Variants in DPP10 observed in about 807,000 individuals in gnomAD.
DPP10 encodes the protein inactive dipeptidyl peptidase 10.
Under a neutral mutation model 120.9 loss-of-function variants are expected in DPP10, and 33 were observed. That is an observed-to-expected ratio of 0.27 (90% CI 0.21 to 0.37). The LOEUF (loss-of-function observed/expected upper bound fraction) is 0.37. Ranked by LOEUF, DPP10 falls within the 10% of genes least tolerant of loss-of-function variation. The pLI, the probability that DPP10 is intolerant of heterozygous loss-of-function variation, is 1.00. For missense variants in DPP10, 816 were observed against 942.8 expected (o/e 0.87, Z 1.76); for synonymous variants, 337 against 326.1 (o/e 1.03, Z -0.36).
chr2:114,539,362 T>C (rs1316711335), intron 1 of DPP10, among the ~76,000 whole-genome samples: 1 of 152,054 alleles, frequency 6.6e-6, no homozygotes, highest in African/African-American at 2.4e-5. Context: ...TTCACAGCTC[T>C]GATGGAAGTT....
At chr2:115,268,509 A>G (rs751827079) in intron 1 of DPP10, among the ~76,000 whole-genome samples, 9 of 152,204 alleles carry the variant, frequency 5.9e-5, no homozygotes, top group Non-Finnish European at 1.0e-4. Context: ...TTATTTAAGT[A>G]AGTGTACTAT....
chr2:115,173,349 AAC>A (rs1368467249), intron 1 of DPP10, among the ~76,000 whole-genome samples: 1 of 152,170 alleles, frequency 6.6e-6, no homozygotes, highest in Non-Finnish European at 1.5e-5. Flanking sequence ...AGTTAAGGAA[AAC>A]ACAGGACAAA....
At chr2:114,897,569 A>C (rs544158401) in intron 1 of DPP10, among the ~76,000 whole-genome samples, 5,718 of 151,874 alleles carry the variant, frequency 0.038, 189 homozygotes, top group African/African-American at 0.085. Flanking sequence ...CAACCTACAA[A>C]ATGGGAGAAA....
intron 1 of DPP10, among the ~76,000 whole-genome samples, chr2:115,021,228 A>G (rs908307421): frequency 3.3e-5 from 5 of 152,088 alleles, no homozygotes; most frequent in Non-Finnish European, 7.4e-5. Flanking sequence ...ATGAAACAAA[A>G]TCTCGTTCTT....
chr2:115,270,066 TCACACACA>T (rs57649162), intron 1 of DPP10, among the ~76,000 whole-genome samples: 9,747 of 130,650 alleles, frequency 0.075, 439 homozygotes, highest in South Asian at 0.15. Flanking sequence ...TAGGTATACT[TCACACACA>T]CACACACACA....
At position 114,477,946 on chromosome 2, in the gene DPP10, TAC is replaced by T. The variant is rs1425619051; in HGVS notation, c.60+35110_60+35111del. On this transcript the variant is annotated intron_variant, in intron 1 of 25. Transcript: ENST00000410059. ...ATATATGTACATATGTGTATATATGTACATATATGTGTGTATATGTATATATG... is the reference window on the plus strand; with the variant it reads ...ATATATGTACATATGTGTATATATGTATATATGTGTGTATATGTATATATG... Among the ~76,000 whole-genome samples the T allele has an allele frequency of 1.4e-4, 21 of 151,178 alleles. No homozygotes were observed. The East Asian group carries it at 2.7e-3, about 20-fold the overall frequency.
intron 1 of DPP10, among the ~76,000 whole-genome samples, chr2:114,758,736 A>T (rs1558711296): frequency 6.6e-6 from 1 of 152,226 alleles, no homozygotes. Context: ...GAATTATTTT[A>T]CAGCAAAACT....
intron 24 of DPP10, 140 bp from the exon 25 acceptor site, chr2:115,840,610 C>T: frequency 1.3e-6 from 1 of 798,184 alleles, no homozygotes; most frequent in Non-Finnish European, 1.9e-6. Context: ...AGGCGTGAGC[C>T]ACCGTGCCCA....
chr2:114,663,271 T>TATATATATATATACAC (rs375462897), intron 1 of DPP10, among the ~76,000 whole-genome samples: 15 of 147,348 alleles, frequency 1.0e-4, no homozygotes, highest in African/African-American at 2.4e-4. Context: ...TATATATATA[T>TATATATATATATACAC]ACACACACAT....
rs1553500205 is a variant in DPP10, at chr2:115,755,944, G to GTGTA, written c.1074+2648_1074+2649insGTAT. ...GCTTTTTTAAAAAGTGTGTGTGTGT[G>GTGTA]TATATATATACATAAAACATTCCAT... On this transcript the variant is annotated intron_variant, in intron 11 of 25. Transcript: ENST00000410059. Among the ~76,000 whole-genome samples, 37 of 150,790 alleles carry GTGTA rather than the reference G, an allele frequency of 2.5e-4. No homozygotes were observed. In the East Asian group the frequency reaches 3.6e-3, roughly 14 times the overall value.
intron 1 of DPP10, among the ~76,000 whole-genome samples, chr2:114,559,271 C>G (rs1006890154): frequency 6.6e-6 from 1 of 152,012 alleles, no homozygotes; most frequent in African/African-American, 2.4e-5. Context: ...CACAAGAGTC[C>G]CCGCATGAGG....
intron 1 of DPP10, among the ~76,000 whole-genome samples, chr2:115,206,208 C>G (rs540591717): frequency 6.6e-6 from 1 of 152,024 alleles, no homozygotes; most frequent in Non-Finnish European, 1.5e-5. Flanking sequence ...ATGGTGTTTC[C>G]CTCGTCAGGT....
intron 3 of DPP10, among the ~76,000 whole-genome samples, chr2:115,359,441 T>C (rs1057411703): frequency 8.5e-5 from 13 of 152,180 alleles, no homozygotes; most frequent in Non-Finnish European, 1.8e-4. Flanking sequence ...GATATGAAAA[T>C]AGACCTACAA....
chr2:115,744,986 A>G (rs1677769106), intron 9 of DPP10, among the ~76,000 whole-genome samples: 1 of 149,428 alleles, frequency 6.7e-6, no homozygotes, highest in Admixed American at 7.1e-5. Flanking sequence ...TTAATGGCAT[A>G]TTAAGTCTAA....
intron 1 of DPP10, among the ~76,000 whole-genome samples, chr2:114,950,898 T>C (rs542038134): frequency 6.6e-6 from 1 of 152,180 alleles, no homozygotes; most frequent in Non-Finnish European, 1.5e-5. Flanking sequence ...ATTTGGTAGG[T>C]TGGCCTAACA....
rs574980823 is a variant in DPP10, at chr2:115,188,752, G to T, written c.61-120487G>T. Among the ~76,000 whole-genome samples the T allele has an allele frequency of 2.0e-5, 3 of 152,040 alleles. No individual in the cohort carries two copies. In the East Asian group the frequency reaches 5.8e-4, roughly 29 times the overall value. On this transcript the variant is annotated intron_variant, in intron 1 of 25. Coordinates refer to ENST00000410059, the MANE Select transcript of DPP10 (RefSeq NM_020868.6). ...TCTTTATGGAGAGGAATTTGACAGT[G>T]TCTAGTAAAATTATATATACTTTTA...
At chr2:115,176,608 T>C (rs958801997) in intron 1 of DPP10, among the ~76,000 whole-genome samples, 1 of 152,174 alleles carries the variant, frequency 6.6e-6, no homozygotes, top group African/African-American at 2.4e-5. Flanking sequence ...GGCTGATCAA[T>C]AAATCATATT....
intron 1 of DPP10, among the ~76,000 whole-genome samples, chr2:114,997,326 GAA>G (rs11458569): frequency 7.4e-6 from 1 of 135,784 alleles, no homozygotes; most frequent in African/African-American, 2.8e-5. Context: ...CGTCTCTACT[GAA>G]AAAAAAAAAA....
chr2:114,628,255 C>T (rs928058084), intron 1 of DPP10, among the ~76,000 whole-genome samples: 9 of 152,024 alleles, frequency 5.9e-5, no homozygotes, highest in South Asian at 2.1e-4. Flanking sequence ...TGGTTTTGGA[C>T]GTTTTATGCT....
Sources: allele counts gnomAD v4.1 joint callset (sites outside exome capture counted in the v4.1 genomes callset), GRCh38; gene constraint gnomAD v4.1.1; transcripts MANE v1.5; gene names NCBI Gene and HGNC (gene_info 2026-07-23, HGNC 2026-07-21).